Variants in LRFN5 observed in about 807,000 individuals in gnomAD.
The protein encoded by LRFN5 is leucine rich repeat and fibronectin type III domain containing 5, also known as leucine-rich repeat and fibronectin type-III domain-containing protein 5.
In LRFN5, 24 loss-of-function variants were observed where a neutral mutation model predicts 45.6. That is an observed-to-expected ratio of 0.53 (90% CI 0.38 to 0.74). The LOEUF is 0.74. Among genes scored for constraint, LRFN5 ranks in the 30% least tolerant of loss-of-function variants. The pLI, the probability that LRFN5 is intolerant of heterozygous loss-of-function variation, is 0.00. For synonymous variants in LRFN5, 340 were observed against 313.8 expected (o/e 1.08, Z -0.88); for missense variants, 776 against 861.5 (o/e 0.90, Z 1.24).
At chr14:41,674,100 C>A (rs567453207) in intron 1 of LRFN5, among the ~76,000 whole-genome samples, 1 of 141,402 alleles carries the variant, frequency 7.1e-6, no homozygotes, top group Non-Finnish European at 1.5e-5. Context: ...CCCTCCTGGA[C>A]GGGGTGGCTG....
At chr14:41,711,461 G>A (rs967200203) in intron 1 of LRFN5, among the ~76,000 whole-genome samples, 2 of 152,050 alleles carry the variant, frequency 1.3e-5, no homozygotes. Context: ...ATAGAGATAA[G>A]AAAAATGTTC....
chr14:41,750,295 A>ATATG (rs1034058231), intron 1 of LRFN5, among the ~76,000 whole-genome samples: 7 of 146,830 alleles, frequency 4.8e-5, no homozygotes, highest in Non-Finnish European at 1.0e-4. Flanking sequence ...ATATATATAT[A>ATATG]TAAGATTTTT....
chr14:41,703,987 G>A (rs554722761), intron 1 of LRFN5, among the ~76,000 whole-genome samples: 1 of 152,010 alleles, frequency 6.6e-6, no homozygotes, highest in Non-Finnish European at 1.5e-5. Context: ...GATCTAGGTA[G>A]CTCCATTATT....
At chr14:41,789,189 A>G (rs1243090747) in intron 2 of LRFN5, among the ~76,000 whole-genome samples, 1 of 151,824 alleles carries the variant, frequency 6.6e-6, no homozygotes, top group Non-Finnish European at 1.5e-5. Context: ...TAAGTCAAAT[A>G]TTTTCTTGTC....
intron 1 of LRFN5, among the ~76,000 whole-genome samples, chr14:41,719,917 ATCTC>A (rs1383910753): frequency 2.6e-5 from 4 of 152,152 alleles, no homozygotes; most frequent in East Asian, 3.9e-4. Flanking sequence ...TATCTGAACT[ATCTC>A]TCCATATAGA....
At chr14:41,675,127 C>T (rs919328630) in intron 1 of LRFN5, among the ~76,000 whole-genome samples, 35 of 151,650 alleles carry the variant, frequency 2.3e-4, no homozygotes, top group African/African-American at 8.2e-4. Flanking sequence ...GACTGGGCAG[C>T]CAGGCAGAGG....
intron 2 of LRFN5, among the ~76,000 whole-genome samples, chr14:41,839,517 C>A (rs1456056415): frequency 6.6e-6 from 1 of 152,052 alleles, no homozygotes; most frequent in African/African-American, 2.4e-5. Flanking sequence ...GTCCTTGCAA[C>A]CTGGTAGCAG....
At chr14:41,815,568 C>G (rs1350480035) in intron 2 of LRFN5, among the ~76,000 whole-genome samples, 1 of 151,928 alleles carries the variant, frequency 6.6e-6, no homozygotes, top group Non-Finnish European at 1.5e-5. Flanking sequence ...GAGACCTCAT[C>G]TCTACTAAAA....
intron 4 of LRFN5, chr14:41,893,525 T>A: frequency 1.0e-6 from 1 of 984,926 alleles, no homozygotes; most frequent in Non-Finnish European, 1.2e-6. Context: ...GGGAGTAAGT[T>A]AAACACACAG....
At chr14:41,640,996 T>G (rs1344027758) in intron 1 of LRFN5, among the ~76,000 whole-genome samples, 1 of 152,060 alleles carries the variant, frequency 6.6e-6, no homozygotes, top group Non-Finnish European at 1.5e-5. Context: ...AGGATGACTA[T>G]TCAAAGAAAT....
At chr14:41,843,387 T>G (rs1594457976) in intron 2 of LRFN5, among the ~76,000 whole-genome samples, 1 of 152,114 alleles carries the variant, frequency 6.6e-6, no homozygotes, top group African/African-American at 2.4e-5. Flanking sequence ...AGAAAAACAT[T>G]CTTAATGATA....
At chr14:41,840,559 A>G (rs1406108968) in intron 2 of LRFN5, among the ~76,000 whole-genome samples, 2 of 152,070 alleles carry the variant, frequency 1.3e-5, no homozygotes, top group Admixed American at 6.6e-5. Flanking sequence ...AATTTAAAGT[A>G]GCCATTGACA....
At chr14:41,612,580 CAT>C (rs973900254) in intron 1 of LRFN5, among the ~76,000 whole-genome samples, 11 of 152,136 alleles carry the variant, frequency 7.2e-5, no homozygotes, top group Non-Finnish European at 1.3e-4. Flanking sequence ...CAATGACACA[CAT>C]GTGCATAACT....
At chr14:41,746,495 A>T (rs1158358739) in intron 1 of LRFN5, among the ~76,000 whole-genome samples, 1 of 152,038 alleles carries the variant, frequency 6.6e-6, no homozygotes, top group Non-Finnish European at 1.5e-5. Flanking sequence ...TTGCCAGAGC[A>T]GTTAGGCAAT....
In LRFN5 at chr14:41,765,359, A is replaced by G. The variant is rs1351697619; in HGVS notation, c.-196-1495A>G. Among the ~76,000 whole-genome samples, 105 of 150,824 alleles carry G rather than the reference A, an allele frequency of 7.0e-4. 3 individuals are homozygous for G. In the East Asian group the frequency reaches 0.014, roughly 20 times the overall value. The stretch of plus-strand genomic sequence containing the variant: ...TCCGTCTCAAAAAAAAAGGAGGAAA[A>G]AAAAAAAAAAAAAACAGGGCACAAC... On this transcript the variant is annotated intron_variant, in intron 1 of 5. Coordinates refer to ENST00000298119, the MANE Select transcript of LRFN5 (RefSeq NM_152447.5).
intron 2 of LRFN5, among the ~76,000 whole-genome samples, chr14:41,879,074 G>C (rs1186388782): frequency 6.6e-6 from 1 of 151,072 alleles, no homozygotes; most frequent in Non-Finnish European, 1.5e-5. Context: ...TAGACTTTAG[G>C]GAGTAGTCCA....
At chr14:41,716,550 A>G (rs1883503237) in intron 1 of LRFN5, among the ~76,000 whole-genome samples, 1 of 152,160 alleles carries the variant, frequency 6.6e-6, no homozygotes, top group South Asian at 2.1e-4. Context: ...TTGCTAAAAC[A>G]TAGCAAGAGT....
intron 1 of LRFN5, chr14:41,733,496 G>A (rs1884271544): frequency 6.6e-6 from 1 of 151,906 alleles, no homozygotes; most frequent in Non-Finnish European, 1.5e-5. Context: ...AAGAATCCCA[G>A]ATAAAGAAAA....
chr14:41,666,784 A>C (rs1880919532), intron 1 of LRFN5, among the ~76,000 whole-genome samples: 1 of 152,144 alleles, frequency 6.6e-6, no homozygotes, highest in Non-Finnish European at 1.5e-5. Flanking sequence ...CTCACTGCCC[A>C]AGAGTGACAG....
Sources: allele counts gnomAD v4.1 joint callset (sites outside exome capture counted in the v4.1 genomes callset), GRCh38; gene constraint gnomAD v4.1.1; transcripts MANE v1.5; gene names NCBI Gene and HGNC (gene_info 2026-07-23, HGNC 2026-07-21).